The following CDH18 variants were observed in gnomAD, a reference collection of about 807,000 sequenced individuals.
CDH18 encodes cadherin-18.
In CDH18, 31 loss-of-function variants were observed where a neutral mutation model predicts 67.9. The observed-to-expected ratio is 0.46, with a 90% CI of 0.34 to 0.62. The LOEUF (loss-of-function observed/expected upper bound fraction) is 0.62, where lower values mean the gene tolerates loss of function less well. Ranked by LOEUF, CDH18 falls within the 20% of genes least tolerant of loss-of-function variation. The pLI is 0.01. For missense variants in CDH18, 890 were observed against 975.5 expected (o/e 0.91, Z 1.17); for synonymous variants, 362 against 347.2 (o/e 1.04, Z -0.48).
At chr5:19,677,983 G>T (rs1032503917) in intron 5 of CDH18, among the ~76,000 whole-genome samples, 2 of 151,682 alleles carry the variant, frequency 1.3e-5, no homozygotes, top group African/African-American at 4.8e-5. Context: ...GGAGAACCAA[G>T]ATTCATAAAG....
chr5:19,631,423 T>C lies in CDH18; in HGVS notation c.644-18822A>G, dbSNP rs115890595. 7.4e-3 allele frequency among the ~76,000 whole-genome samples: 1,120 copies of C among 152,256 alleles called. 15 individuals are homozygous for C. The highest frequency in any genetic ancestry group is 0.025 in the African/African-American group (1,058 of 41,548). On this transcript the variant is annotated intron_variant, in intron 5 of 12. Coordinates refer to ENST00000382275, the MANE Select transcript of CDH18 (RefSeq NM_004934.5). ...TCATGTATTAAACTGTAGCAATGTA[T>C]TTACTTAAGTCCTACGTTTAAGAAA...
intron 2 of CDH18, among the ~76,000 whole-genome samples, chr5:20,022,566 A>G (rs1738523030): frequency 6.6e-6 from 1 of 152,230 alleles, no homozygotes; most frequent in Non-Finnish European, 1.5e-5. Flanking sequence ...CATTTTTAAT[A>G]TAATGGGTCA....
intron 9 of CDH18, among the ~76,000 whole-genome samples, chr5:19,532,681 C>T (rs1194256175): frequency 6.6e-6 from 1 of 152,086 alleles, no homozygotes; most frequent in Non-Finnish European, 1.5e-5. Context: ...AAGGTTAGGA[C>T]CCAAAGAAAG....
At chr5:19,851,225 A>G (rs1012188648) in intron 2 of CDH18, among the ~76,000 whole-genome samples, 1 of 151,784 alleles carries the variant, frequency 6.6e-6, no homozygotes, top group Non-Finnish European at 1.5e-5. Context: ...CAGCTGATAT[A>G]ACTTTGTCGG....
intron 2 of CDH18, among the ~76,000 whole-genome samples, chr5:20,153,897 G>A (rs1035310710): frequency 1.3e-5 from 2 of 152,252 alleles, no homozygotes; most frequent in East Asian, 1.9e-4. Context: ...AACTGGAATT[G>A]GTGGTAGGAG....
rs140623159 is a variant in CDH18, at chr5:19,943,512, A to T, written c.-257+37548T>A. ...AAGCTCTAAACTGAGATGTGATTTA[A>T]ATGTCATATTTGAATAACAGTCCTC... On this transcript the variant is annotated intron_variant, in intron 2 of 12. Transcript: ENST00000382275. 7.2e-3 allele frequency among the ~76,000 whole-genome samples: 1,093 copies of T among 152,262 alleles called. 15 individuals carry two copies. The highest frequency in any genetic ancestry group is 6.9e-3 in the Non-Finnish European group (467 of 68,014).
intron 5 of CDH18, among the ~76,000 whole-genome samples, chr5:19,619,800 C>G (rs1750409659): frequency 1.3e-5 from 2 of 152,158 alleles, no homozygotes; most frequent in South Asian, 4.1e-4. Flanking sequence ...GTCTCTATCT[C>G]TACTGGTAAA....
At chr5:20,199,346 A>T (rs928152621) in intron 2 of CDH18, among the ~76,000 whole-genome samples, 1 of 152,176 alleles carries the variant, frequency 6.6e-6, no homozygotes, top group African/African-American at 2.4e-5. Context: ...ATGGAGTCAA[A>T]GGATAATGTT....
Position 19,472,242 on chromosome 5 carries a change from T to C in CDH18, c.*984A>G, listed in dbSNP as rs181619355. 1.3e-5 allele frequency among the ~76,000 whole-genome samples: 2 copies of C among 152,290 alleles called. No homozygotes were observed. Among genetic ancestry groups the C allele is most frequent in the African/African-American group, 4.8e-5 (2 of 41,584 alleles). On this transcript the variant is annotated 3_prime_UTR_variant, in exon 13 of 13. Transcript: ENST00000382275. The stretch of plus-strand genomic sequence containing the variant: ...GTGTGAGGTACTTATTTTTAATTAC[T>C]GCTCGTGTTGAAAATAAGTGAATTA...
intron 1 of CDH18, among the ~76,000 whole-genome samples, chr5:20,267,959 A>G (rs1270771358): frequency 6.6e-6 from 1 of 151,538 alleles, no homozygotes; most frequent in Non-Finnish European, 1.5e-5. Flanking sequence ...CCCTCTTCCC[A>G]CTCTCTAGTA....
intron 1 of CDH18, among the ~76,000 whole-genome samples, chr5:20,565,454 G>T (rs1000509920): frequency 6.6e-6 from 1 of 151,970 alleles, no homozygotes; most frequent in Non-Finnish European, 1.5e-5. Flanking sequence ...ATTGCTCCTT[G>T]GCTTCTATTC....
intron 1 of CDH18, among the ~76,000 whole-genome samples, chr5:20,292,149 G>A (rs1256510303): frequency 6.6e-6 from 1 of 152,192 alleles, no homozygotes; most frequent in Non-Finnish European, 1.5e-5. Context: ...CATGGATGAA[G>A]GCATTCGCTA....
intron 2 of CDH18, among the ~76,000 whole-genome samples, chr5:20,006,723 T>C (rs1736931815): frequency 6.6e-6 from 1 of 152,004 alleles, no homozygotes; most frequent in African/African-American, 2.4e-5. Context: ...TTTAAACATA[T>C]GTCATGAAAC....
intron 1 of CDH18, among the ~76,000 whole-genome samples, chr5:20,291,497 G>A (rs1747101005): frequency 2.0e-5 from 3 of 152,124 alleles, no homozygotes. Flanking sequence ...AAAGACCATT[G>A]CAGCATGAGG....
chr5:19,904,659 T>C (rs1202423489), intron 2 of CDH18, among the ~76,000 whole-genome samples: 1 of 152,198 alleles, frequency 6.6e-6, no homozygotes, highest in Non-Finnish European at 1.5e-5. Context: ...ATGACTACTA[T>C]ATTTGGTGAT....
Position 20,112,867 on chromosome 5 carries a change from T to C in CDH18, c.-517-120853A>G, listed in dbSNP as rs547430110. Among the ~76,000 whole-genome samples, 11 of 152,372 alleles carry C rather than the reference T, an allele frequency of 7.2e-5. No individual in the cohort carries two copies. The South Asian group carries it at 2.3e-3, about 32-fold the overall frequency. ...TTGTACTTATGGGGGAATTTTACAC[T>C]GAAATTTGGAGCAGGCACTGCAAAG... On this transcript the variant is annotated intron_variant, in intron 2 of 14. Coordinates refer to the CDH18 transcript ENST00000507958.
At chr5:20,328,914 C>T (rs1738886984) in intron 1 of CDH18, among the ~76,000 whole-genome samples, 1 of 116,896 alleles carries the variant, frequency 8.6e-6, no homozygotes. Flanking sequence ...CTGGATATGT[C>T]CAGACTGCAA....
intron 3 of CDH18, among the ~76,000 whole-genome samples, chr5:19,825,268 C>G (rs1780286594): frequency 6.6e-6 from 1 of 152,154 alleles, no homozygotes; most frequent in Admixed American, 6.5e-5. Flanking sequence ...GCAATGCCAG[C>G]TAGAGCTTCC....
intron 2 of CDH18, among the ~76,000 whole-genome samples, chr5:20,004,977 A>G (rs1177449905): frequency 6.6e-6 from 1 of 152,232 alleles, no homozygotes; most frequent in African/African-American, 2.4e-5. Context: ...CAGAAAAAAT[A>G]GAAAGTAAAT....
Sources: allele counts gnomAD v4.1 joint callset (sites outside exome capture counted in the v4.1 genomes callset), GRCh38; gene constraint gnomAD v4.1.1; transcripts MANE v1.5; gene names NCBI Gene and HGNC (gene_info 2026-07-23, HGNC 2026-07-21).